The following ADGRL2 variants were observed in gnomAD, a reference collection of about 807,000 sequenced individuals.
The protein encoded by ADGRL2 is adhesion G protein-coupled receptor L2, also known as calcium-independent alpha-latrotoxin receptor 2.
In ADGRL2, 44 loss-of-function variants were observed where a neutral mutation model predicts 157.4. The ratio of observed to expected loss-of-function variants is 0.28; its 90% CI spans 0.22 to 0.36. The LOEUF (loss-of-function observed/expected upper bound fraction) is 0.36, where lower values mean the gene tolerates loss of function less well. ADGRL2 is among the 10% of genes least tolerant of loss of function. The pLI is 1.00. For missense variants in ADGRL2, 1,510 were observed against 1,768.9 expected, an observed-to-expected ratio of 0.85 and a Z score of 2.63; for synonymous variants, 585 against 624.7, an observed-to-expected ratio of 0.94 and a Z score of 0.95.
intron 1 of ADGRL2, among the ~76,000 whole-genome samples, chr1:81,411,639 T>G (rs1030259529): frequency 5.9e-5 from 9 of 152,164 alleles, no homozygotes; most frequent in African/African-American, 2.2e-4. Flanking sequence ...ACGCCTGTAA[T>G]CCCAGCACTT....
At chr1:81,959,661 A>G (rs181205042) in intron 11 of ADGRL2, among the ~76,000 whole-genome samples, 91 of 152,302 alleles carry the variant, frequency 6.0e-4, no homozygotes, top group African/African-American at 2.2e-3. Context: ...AAAAACCACA[A>G]TACCATTATC....
rs1651415254 is a variant in ADGRL2 at position 81,950,471 on chromosome 1, A to G, written c.1493A>G (p.Lys498Arg). The change falls in exon 7 of 24, where the codon AAG becomes AGG. Residue 498 changes from lysine (K) to arginine (R), a missense_variant. Physicochemically the swap from Lys to Arg is conservative, Grantham distance 26. This residue lies in a region of ADGRL2 where 325 missense variants were observed against 333.2 expected (regional missense o/e 0.98). Coordinates refer to ENST00000686636, the MANE Select transcript of ADGRL2 (RefSeq NM_001366006.2). ...ATGATGGTTGAACGACCATGCCCTA[A>G]GGGAACAAGAGGTATTTTCTATAAA... ...RGMMVERPCP[K>R]GTRGTASYLC... is the part of the protein sequence containing the mutation. The G allele has an allele frequency of 4.3e-6, 7 of 1,611,824 alleles. No individual in the cohort carries two copies. The highest frequency in any genetic ancestry group is 5.9e-6 in the Non-Finnish European group (7 of 1,178,866).
At chr1:81,803,117 G>C (rs1360376145) in intron 1 of ADGRL2, among the ~76,000 whole-genome samples, 1 of 152,092 alleles carries the variant, frequency 6.6e-6, no homozygotes, top group Non-Finnish European at 1.5e-5. Flanking sequence ...AGGGAGCCTC[G>C]GGAGCTTGGT....
intron 1 of ADGRL2, among the ~76,000 whole-genome samples, chr1:81,374,427 C>T (rs893364261): frequency 3.3e-5 from 5 of 152,006 alleles, no homozygotes; most frequent in African/African-American, 1.2e-4. Context: ...CAAAAATTAG[C>T]CGGACGTGGT....
intron 2 of ADGRL2, among the ~76,000 whole-genome samples, chr1:81,470,136 C>T (rs2078141076): frequency 6.6e-6 from 1 of 152,170 alleles, no homozygotes; most frequent in Non-Finnish European, 1.5e-5. Context: ...ACGCACACAT[C>T]TGGTACTGCA....
intron 1 of ADGRL2, among the ~76,000 whole-genome samples, chr1:81,718,101 C>T (rs2084175797): frequency 6.6e-6 from 1 of 152,188 alleles, no homozygotes; most frequent in Non-Finnish European, 1.5e-5. Flanking sequence ...CTCACTCCAA[C>T]CTCCGCCTCT....
intron 1 of ADGRL2, among the ~76,000 whole-genome samples, chr1:81,397,523 G>A (rs1309322076): frequency 2.0e-5 from 3 of 151,782 alleles, no homozygotes; most frequent in Admixed American, 6.6e-5. Flanking sequence ...GTTTCACTGT[G>A]TTAGCCAGGA....
chr1:81,394,647 A>G (rs1475747842), intron 1 of ADGRL2, among the ~76,000 whole-genome samples: 3 of 152,130 alleles, frequency 2.0e-5, no homozygotes, highest in Non-Finnish European at 2.9e-5. Flanking sequence ...TATCTTGACT[A>G]TTGTGAATAG....
At chr1:81,416,316 CAA>C (rs61343094) in intron 1 of ADGRL2, among the ~76,000 whole-genome samples, 2 of 141,214 alleles carry the variant, frequency 1.4e-5, no homozygotes, top group African/African-American at 2.7e-5. Flanking sequence ...AACCTTCTTG[CAA>C]AAAAAAAAAG....
chr1:81,850,054 C>A (rs1416965240), intron 2 of ADGRL2, among the ~76,000 whole-genome samples: 2 of 151,872 alleles, frequency 1.3e-5, no homozygotes, highest in Admixed American at 1.3e-4. Flanking sequence ...CCGAAATACT[C>A]CTCCCCACTA....
intron 3 of ADGRL2, among the ~76,000 whole-genome samples, chr1:81,916,640 C>T (rs1170432420): frequency 6.6e-6 from 1 of 151,980 alleles, no homozygotes; most frequent in Non-Finnish European, 1.5e-5. Flanking sequence ...TTTCCTATGG[C>T]ATTTTTATTA....
At chr1:81,881,367 G>C (rs1347107533) in intron 2 of ADGRL2, among the ~76,000 whole-genome samples, 1 of 152,070 alleles carries the variant, frequency 6.6e-6, no homozygotes, top group African/African-American at 2.4e-5. Flanking sequence ...TAGTAGAAAC[G>C]GGGTTTCACC....
chr1:81,893,381 T>C (rs2094313031), intron 2 of ADGRL2, among the ~76,000 whole-genome samples: 1 of 152,182 alleles, frequency 6.6e-6, no homozygotes, highest in Non-Finnish European at 1.5e-5. Flanking sequence ...ATTCAGCTTC[T>C]TAAGGATGAA....
chr1:81,787,934 A>G (rs2087136304), intron 2 of ADGRL2, among the ~76,000 whole-genome samples: 1 of 152,194 alleles, frequency 6.6e-6, no homozygotes, highest in African/African-American at 2.4e-5. Flanking sequence ...ACTTTTTTCA[A>G]CATAAAAATT....
chr1:81,776,621 T>C (rs1274367236), intron 2 of ADGRL2, among the ~76,000 whole-genome samples: 1 of 152,258 alleles, frequency 6.6e-6, no homozygotes, highest in Non-Finnish European at 1.5e-5. Context: ...ATATTTCTAG[T>C]GTTTTTACTA....
At position 81,726,681 on chromosome 1, in the gene ADGRL2, A is replaced by G. The variant is rs114576363; in HGVS notation, c.-143+26873A>G. Among the ~76,000 whole-genome samples, 766 of 152,320 alleles carry G rather than the reference A, an allele frequency of 5.0e-3. 3 individuals carry two copies. The highest frequency in any genetic ancestry group is 0.018 in the African/African-American group (730 of 41,570). On this transcript the variant is annotated intron_variant, in intron 1 of 20. Transcript: ENST00000359929. ...GGGGTAAAAGTAGCACATGTTCACT[A>G]TACGTACTCTAAAACTTCAACTTTT...
At chr1:81,566,256 T>G (rs2080559444) in intron 2 of ADGRL2, among the ~76,000 whole-genome samples, 1 of 152,160 alleles carries the variant, frequency 6.6e-6, no homozygotes, top group Non-Finnish European at 1.5e-5. Context: ...CCTGATTAGT[T>G]TTTGTCCACC....
chr1:81,946,432 G>T (rs1346867584), intron 6 of ADGRL2, among the ~76,000 whole-genome samples: 3 of 142,058 alleles, frequency 2.1e-5, no homozygotes, highest in Admixed American at 7.4e-5. Context: ...TGTTTTTCCT[G>T]TTTCACCTTC....
At chr1:81,825,039 C>T (rs1230459728) in intron 1 of ADGRL2, among the ~76,000 whole-genome samples, 1 of 149,584 alleles carries the variant, frequency 6.7e-6, no homozygotes, top group Non-Finnish European at 1.5e-5. Flanking sequence ...TTGCAACTTT[C>T]TTGTTGTTAA....
Sources: allele counts gnomAD v4.1 joint callset (sites outside exome capture counted in the v4.1 genomes callset), GRCh38; gene constraint gnomAD v4.1.1; regional missense constraint gnomAD v4.1.1; transcripts MANE v1.5; gene names NCBI Gene and HGNC (gene_info 2026-07-23, HGNC 2026-07-21).